The following FYB2 variants were observed in gnomAD, a reference collection of about 807,000 sequenced individuals.
The protein encoded by FYB2 is FYN-binding protein 2.
Under a neutral mutation model 94.1 loss-of-function variants are expected in FYB2, and 103 were observed. The ratio of observed to expected loss-of-function variants is 1.09; its 90% confidence interval spans 0.93 to 1.29. The LOEUF is 1.29. Ranked by LOEUF, FYB2 falls within the 50% of genes most tolerant of loss-of-function variation. The probability of loss-of-function intolerance (pLI) is 0.00; values close to 1 mark genes in which losing one functional copy is unlikely to be tolerated. For missense variants in FYB2, 896 were observed against 841.5 expected (o/e 1.06, Z -0.80); for synonymous variants, 293 against 287.9 (o/e 1.02, Z -0.18).
At chr1:56,760,836 G>C (rs1034102292) in intron 5 of FYB2, among the ~76,000 whole-genome samples, 6 of 152,060 alleles carry the variant, frequency 3.9e-5, no homozygotes, top group Non-Finnish European at 8.8e-5. Context: ...AGGTTCTTTC[G>C]TGGCAAGCTA....
intron 6 of FYB2, among the ~76,000 whole-genome samples, chr1:56,757,821 G>C (rs1460559243): frequency 6.7e-6 from 1 of 148,244 alleles, no homozygotes; most frequent in East Asian, 2.0e-4. Context: ...CCAGGCTAAA[G>C]TGTAGTGGTA....
At chr1:56,758,234 G>T (rs956195122) in intron 6 of FYB2, among the ~76,000 whole-genome samples, 6 of 151,896 alleles carry the variant, frequency 4.0e-5, no homozygotes, top group Admixed American at 1.3e-4. Context: ...CATTTTGCAG[G>T]TGAGGAAATG....
At chr1:56,778,825 A>G (rs989554699) in intron 4 of FYB2, among the ~76,000 whole-genome samples, 1 of 152,136 alleles carries the variant, frequency 6.6e-6, no homozygotes, top group Admixed American at 6.5e-5. Context: ...CTTCCCAACT[A>G]AAATATATAC....
rs1211186982 is a variant in FYB2 at position 56,818,499 on chromosome 1, CAT to C, written c.9+781_9+782del. On this transcript the variant is annotated intron_variant, in intron 1 of 19. Coordinates refer to ENST00000343433, the MANE Select transcript of FYB2 (RefSeq NM_001004303.5). ...ACACACACACACACACACACACACA[CAT>C]GCACACGCACATCAAAAGAAACTGA... 9.8e-3 allele frequency among the ~76,000 whole-genome samples: 1,317 copies of C among 135,044 alleles called. 7 individuals carry two copies. The highest frequency in any genetic ancestry group is 0.03 in the Middle Eastern group (8 of 266). 88.6% of individuals were successfully genotyped at this position (135,044 alleles called of 152,430 possible).
At chr1:56,808,562 C>A (rs971207190) in intron 1 of FYB2, among the ~76,000 whole-genome samples, 1 of 152,164 alleles carries the variant, frequency 6.6e-6, no homozygotes, top group African/African-American at 2.4e-5. Flanking sequence ...ACAAAGACTC[C>A]TGGCACCAGC....
intron 6 of FYB2, among the ~76,000 whole-genome samples, chr1:56,756,848 A>G (rs1645344648): frequency 1.3e-5 from 2 of 152,180 alleles, no homozygotes; most frequent in Admixed American, 6.6e-5. Flanking sequence ...GACCACATGA[A>G]AAACTCATTG....
upstream of FYB2, among the ~76,000 whole-genome samples, chr1:56,823,184 C>T (rs932254444): frequency 2.6e-5 from 4 of 152,180 alleles, no homozygotes; most frequent in African/African-American, 9.6e-5. Context: ...AGGCAGATGT[C>T]CTGGCCATGC....
chr1:56,733,916 A>G (rs1323374396), intron 15 of FYB2, among the ~76,000 whole-genome samples: 1 of 152,150 alleles, frequency 6.6e-6, no homozygotes, highest in African/African-American at 2.4e-5. Flanking sequence ...AGTTCTGTAG[A>G]TGTCTATTAG....
intron 14 of FYB2, among the ~76,000 whole-genome samples, chr1:56,738,176 C>T (rs1644872203): frequency 6.6e-6 from 1 of 152,038 alleles, no homozygotes; most frequent in Admixed American, 6.6e-5. Context: ...TCCAATGATC[C>T]ATTCTCAATT....
At chr1:56,774,384 C>T (rs574069318) in intron 4 of FYB2, among the ~76,000 whole-genome samples, 1 of 152,216 alleles carries the variant, frequency 6.6e-6, no homozygotes, top group South Asian at 2.1e-4. Flanking sequence ...GCGTTTGCTA[C>T]TTCTGCTTCC....
chr1:56,790,213 C>T (rs1646229158), intron 2 of FYB2, among the ~76,000 whole-genome samples: 1 of 152,170 alleles, frequency 6.6e-6, no homozygotes, highest in South Asian at 2.1e-4. Context: ...GCATATACTC[C>T]TGGGAGACTT....
chr1:56,771,311 A>C (rs766387016), intron 4 of FYB2, among the ~76,000 whole-genome samples: 2 of 152,222 alleles, frequency 1.3e-5, no homozygotes, highest in Non-Finnish European at 2.9e-5. Flanking sequence ...TGACATATAC[A>C]TCAACATAGA....
chr1:56,819,943 A>G (rs115146712), upstream of FYB2, among the ~76,000 whole-genome samples: 3,544 of 152,190 alleles, frequency 0.023, 119 homozygotes, highest in African/African-American at 0.076. Context: ...AAAGGTGAAG[A>G]ATGGCCGGGT....
At chr1:56,766,263 A>T (rs1645620503) in intron 5 of FYB2, among the ~76,000 whole-genome samples, 1 of 152,102 alleles carries the variant, frequency 6.6e-6, no homozygotes, top group Non-Finnish European at 1.5e-5. Context: ...GCTCTAAAGA[A>T]GGGGTCCATA....
At chr1:56,788,115 C>T (rs1035387300) in intron 3 of FYB2, among the ~76,000 whole-genome samples, 1 of 152,122 alleles carries the variant, frequency 6.6e-6, no homozygotes, top group African/African-American at 2.4e-5. Flanking sequence ...GAGAATGGAG[C>T]CCAGCAATCT....
At chr1:56,757,179 T>A (rs1315651657) in intron 6 of FYB2, among the ~76,000 whole-genome samples, 1 of 152,168 alleles carries the variant, frequency 6.6e-6, no homozygotes, top group African/African-American at 2.4e-5. Context: ...GGGATAAAAT[T>A]CATTTACTTG....
At chr1:56,820,748 C>G (rs1196685144), upstream of FYB2, among the ~76,000 whole-genome samples, 2 of 152,154 alleles carry the variant, frequency 1.3e-5, no homozygotes, top group Non-Finnish European at 1.5e-5. Context: ...TTATAAAAGC[C>G]TTTGAGGTCT....
intron 4 of FYB2, among the ~76,000 whole-genome samples, chr1:56,783,407 C>A (rs1023613017): frequency 7.2e-5 from 11 of 152,032 alleles, no homozygotes; most frequent in Non-Finnish European, 1.5e-4. Flanking sequence ...TGAAAGATGG[C>A]TATTGTAAGT....
chr1:56,775,688 C>T (rs1645859330), intron 4 of FYB2, among the ~76,000 whole-genome samples: 1 of 152,120 alleles, frequency 6.6e-6, no homozygotes. Flanking sequence ...TATATACCAT[C>T]TTACACAGGG....
Sources: gnomAD v4.1 joint callset for allele counts (sites outside exome capture counted in the v4.1 genomes callset) on GRCh38, gnomAD v4.1.1 for gene constraint, MANE v1.5 for transcripts, NCBI Gene and HGNC (gene_info 2026-07-23, HGNC 2026-07-21) for gene names.